The following ATP2C2 variants were observed in gnomAD, a reference collection of about 807,000 sequenced individuals.
The protein encoded by ATP2C2 is ATPase secretory pathway Ca2+ transporting 2.
In ATP2C2, 171 loss-of-function variants were observed where a neutral mutation model predicts 110.8. The observed-to-expected ratio is 1.54, with a 90% CI of 1.36 to 1.75. The LOEUF is 1.75. Among genes scored for constraint, ATP2C2 ranks in the 40% most tolerant of loss-of-function variants. ATP2C2 has a pLI of 0.00. For synonymous variants in ATP2C2, 804 were observed against 508.4 expected, an observed-to-expected ratio of 1.58 and a Z score of -7.82; for missense variants, 1,963 against 1,235.0, an observed-to-expected ratio of 1.59 and a Z score of -8.84.
chr16:84,442,118 C>T (rs546759732), intron 14 of ATP2C2, among the ~76,000 whole-genome samples: 3 of 152,214 alleles, frequency 2.0e-5, no homozygotes, highest in Admixed American at 6.5e-5. Context: ...TAGAAGTCAT[C>T]TACCATGAAT....
In ATP2C2 at chr16:84,384,900, T is replaced by A. The variant is rs183403054; in HGVS notation, c.100-13599T>A. Among the ~76,000 whole-genome samples the A allele has an allele frequency of 3.9e-5, 6 of 152,038 alleles. No homozygotes were observed. The East Asian group carries it at 9.7e-4, about 24-fold the overall frequency. ...CCTGGTCTCTAATAAAAATACAAAA[T>A]TAGCCGGGCTTGGTGATGCATGCCT... On this transcript the variant is annotated intron_variant, in intron 1 of 26. Coordinates refer to ENST00000262429, the MANE Select transcript of ATP2C2 (RefSeq NM_014861.4).
rs920501203 is a variant in ATP2C2, at chr16:84,425,797, G to A, written c.982G>A (p.Val328Ile). The change falls in exon 11 of 27, where the codon GTC (valine) becomes ATC (isoleucine). Residue 328 changes from valine to isoleucine, a missense_variant. Val to Ile is a conservative substitution (Grantham distance 29). Coordinates refer to ENST00000262429, the MANE Select transcript of ATP2C2 (RefSeq NM_014861.4). Reference sequence around the variant, plus strand: ...ACTCCTGAGTATGTTCACGATCGGGGTCAGGTAAGAGTGCTATGGCCGCCC... The same window carrying A: ...ACTCCTGAGTATGTTCACGATCGGGATCAGGTAAGAGTGCTATGGCCGCCC... ...KQLLSMFTIG[V>I]SLAVAAIPEG... 8 of 1,613,988 alleles carry A rather than the reference G, an allele frequency of 5.0e-6. No homozygotes were observed. The highest frequency in any genetic ancestry group is 6.8e-6 in the Non-Finnish European group (8 of 1,180,030).
chr16:84,405,467 C>T (rs151329920), intron 3 of ATP2C2, among the ~76,000 whole-genome samples: 50 of 150,042 alleles, frequency 3.3e-4, no homozygotes, highest in African/African-American at 1.7e-4. Context: ...GAGCAGGCCC[C>T]GGGCCCCACG....
chr16:84,380,488 C>G (rs570761348), intron 1 of ATP2C2, among the ~76,000 whole-genome samples: 1 of 152,318 alleles, frequency 6.6e-6, no homozygotes, highest in African/African-American at 2.4e-5. Flanking sequence ...CTATTTTCCC[C>G]CGTGACTTGG....
At chr16:84,388,281 C>T (rs1262124311) in intron 1 of ATP2C2, among the ~76,000 whole-genome samples, 2 of 151,962 alleles carry the variant, frequency 1.3e-5, no homozygotes, top group Admixed American at 6.6e-5. Context: ...GCCGAGATCA[C>T]GCCACTGCAC....
intron 1 of ATP2C2, among the ~76,000 whole-genome samples, chr16:84,389,157 G>A (rs17813537): frequency 7.2e-5 from 11 of 152,054 alleles, no homozygotes; most frequent in Middle Eastern, 3.2e-3. Flanking sequence ...GGGGCCAAGT[G>A]CTTTCCACAA....
intron 18 of ATP2C2, 107 bp downstream of exon 18, chr16:84,452,198 C>T (rs1055569826): frequency 1.1e-5 from 15 of 1,361,880 alleles, no homozygotes; most frequent in African/African-American, 4.4e-5. Context: ...GGAGTGCTCA[C>T]GCCTAGCCCT....
Position 84,453,325 on chromosome 16 carries a change from C to A in ATP2C2, c.1934C>A (p.Ser645Tyr). 6.2e-7 allele frequency: 1 copy of A among 1,614,148 alleles called. No individual in the cohort carries two copies. Among genetic ancestry groups the A allele is most frequent in the Non-Finnish European group, 8.5e-7 (1 of 1,180,022 alleles). Reference sequence around the variant, plus strand: ...CTTCCCCGTCTCCGTGTCCAGGTGTCCGTGTTCTTCAGGACCAGCCCAAAG... The same window carrying A: ...CTTCCCCGTCTCCGTGTCCAGGTGTACGTGTTCTTCAGGACCAGCCCAAAG... Reference protein sequence around the residue: ...GELADRVGKVSVFFRTSPKHK... With the variant: ...GELADRVGKVYVFFRTSPKHK... Residue 645 changes from serine to tyrosine, a missense_variant, in exon 20 of 27, where the codon TCC (serine) becomes TAC (tyrosine). By Grantham distance (144) the Ser-to-Tyr change is moderately radical. Transcript: ENST00000262429.
At chr16:84,459,023 T>G in intron 21 of ATP2C2, 97 bp from the exon 22 acceptor site, 1 of 1,325,764 alleles carries the variant, frequency 7.5e-7, no homozygotes, top group Non-Finnish European at 1.1e-6. Context: ...ATAACATCAA[T>G]CTGGGCGAGT....
At chr16:84,425,915 C>G (rs146339454) in intron 11 of ATP2C2, 114 bp downstream of exon 11, 2 of 1,291,968 alleles carry the variant, frequency 1.5e-6, no homozygotes, top group Admixed American at 3.5e-5. Flanking sequence ...TGGGAAGGTG[C>G]AGCCCCGTCA....
At chr16:84,368,822 G>T in intron 1 of ATP2C2, 108 bp downstream of exon 1, 1 of 942,462 alleles carries the variant, frequency 1.1e-6, no homozygotes, top group Non-Finnish European at 1.6e-6. Context: ...CCGCGAACTC[G>T]CCCTCCTCCC....
chr16:84,403,002 C>T (rs1353577444), intron 2 of ATP2C2, among the ~76,000 whole-genome samples: 3 of 152,072 alleles, frequency 2.0e-5, no homozygotes, highest in African/African-American at 7.2e-5. Flanking sequence ...CTTCATGGTT[C>T]CATCTTGGTA....
At chr16:84,370,844 A>G (rs1391571426) in intron 1 of ATP2C2, among the ~76,000 whole-genome samples, 1 of 151,964 alleles carries the variant, frequency 6.6e-6, no homozygotes, top group African/African-American at 2.4e-5. Flanking sequence ...CCCCAGTTCT[A>G]ATAGTGATTG....
chr16:84,455,072 G>GGGGT, intron 21 of ATP2C2, 88 bp downstream of exon 21: 1 of 1,524,798 alleles, frequency 6.6e-7, no homozygotes, highest in South Asian at 1.2e-5. Flanking sequence ...GGAGATAGAG[G>GGGGT]GGGGGGTCTC....
Position 84,460,716 on chromosome 16 carries a change from C to G in ATP2C2, c.2396C>G (p.Thr799Ser), listed in dbSNP as rs189007525. Residue 799 changes from threonine (T) to serine (S), a missense_variant, in exon 24 of 27, where the codon ACC becomes AGC. Physicochemically the swap from Thr to Ser is moderately conservative, Grantham distance 58. Coordinates refer to ENST00000262429, the MANE Select transcript of ATP2C2 (RefSeq NM_014861.4). ...FRQPPRSVRDTILSRALILKI... is the reference protein window; with the variant it reads ...FRQPPRSVRDSILSRALILKI... ...CAGCCACCACGGAGTGTGCGGGACACCATCCTCAGCAGAGCCCTCATCCTG... is the reference window on the plus strand; with the variant it reads ...CAGCCACCACGGAGTGTGCGGGACAGCATCCTCAGCAGAGCCCTCATCCTG... The G allele has an allele frequency of 1.2e-6, 2 of 1,614,194 alleles. No individual in the cohort carries two copies. The highest frequency in any genetic ancestry group is 1.7e-6 in the Non-Finnish European group (2 of 1,180,034).
At chr16:84,378,727 G>C (rs1433161540) in intron 1 of ATP2C2, among the ~76,000 whole-genome samples, 2 of 152,168 alleles carry the variant, frequency 1.3e-5, no homozygotes, top group Admixed American at 6.5e-5. Context: ...TGATTGTCAG[G>C]CTCACTGCAA....
At position 84,448,708 on chromosome 16, in the gene ATP2C2, G is replaced by T. The variant is rs370827511; in HGVS notation, c.1660+19G>T. 6.3e-7 allele frequency: 1 copy of T among 1,599,130 alleles called. No individual in the cohort carries two copies. The highest frequency in any genetic ancestry group is 2.3e-5 in the East Asian group (1 of 44,418). On this transcript the variant is annotated intron_variant, in intron 17 of 26. Transcript: ENST00000262429. ...TTGCGGGGTCAGTGCCTGTGGTCCC[G>T]GCCCAGAGCTTTAAGCTTGCATGTA... is the stretch of plus-strand genomic sequence containing the variant.
chr16:84,460,475 G>A (rs1364481946), intron 23 of ATP2C2, 179 bp from the exon 24 acceptor site: 1 of 832,636 alleles, frequency 1.2e-6, no homozygotes, highest in Non-Finnish European at 2.0e-6. Context: ...CATGGACCCA[G>A]GCTCTGGGGC....
Position 84,463,361 on chromosome 16 carries a change from C to A in ATP2C2, c.2723-253C>A, listed in dbSNP as rs564760717. 2.0e-3 allele frequency among the ~76,000 whole-genome samples: 301 copies of A among 152,294 alleles called. 1 individual carries two copies. The highest frequency in any genetic ancestry group is 3.7e-3 in the Non-Finnish European group (253 of 68,018). The stretch of plus-strand genomic sequence containing the variant: ...CCTTCCAGCCCGAGTCCATAACATG[C>A]TCCCAGCTGCCTGCCAGACCCACCC... On this transcript the variant is annotated intron_variant, in intron 26 of 26. Transcript: ENST00000262429.
Sources: gnomAD v4.1 joint callset for allele counts (sites outside exome capture counted in the v4.1 genomes callset) on GRCh38, gnomAD v4.1.1 for gene constraint, MANE v1.5 for transcripts, NCBI Gene and HGNC (gene_info 2026-07-23, HGNC 2026-07-21) for gene names.